CASP6: variants seen among roughly 807,000 people sequenced by gnomAD.
CASP6 encodes caspase 6.
A neutral mutation model predicts 31.8 loss-of-function variants in CASP6; 20 were observed. The observed-to-expected ratio is 0.63, with a 90% CI of 0.44 to 0.91. CASP6 has a LOEUF of 0.91. Among genes scored for constraint, CASP6 ranks in the 40% least tolerant of loss-of-function variants. The pLI is 0.00. For missense variants in CASP6, 328 were observed against 361.1 expected (o/e 0.91, Z 0.74); for synonymous variants, 130 against 127.8 (o/e 1.02, Z -0.12).
chr4:109,705,999 A>AC (rs1491346542), upstream of CASP6, among the ~76,000 whole-genome samples: 1 of 36,014 alleles, frequency 2.8e-5, no homozygotes, highest in Non-Finnish European at 4.6e-5. Flanking sequence ...AAAAAAAAAA[A>AC]AAATATATAT....
chr4:109,696,215 A>T (rs1264810660), intron 4 of CASP6, among the ~76,000 whole-genome samples, 195 bp downstream of exon 4: 2 of 152,218 alleles, frequency 1.3e-5, no homozygotes, highest in African/African-American at 4.8e-5. Flanking sequence ...TAAACTTTAG[A>T]GGCATAATTA....
Position 109,689,226 on chromosome 4 carries a change from C to T in CASP6, c.*104G>A. On this transcript the variant is annotated 3_prime_UTR_variant, in exon 7 of 7. Transcript: ENST00000265164. ...GAACTCCCGACCTCAGGTGATCCGC[C>T]CACCTTGGACTCCCAAAGTGCTGGG... is the stretch of plus-strand genomic sequence containing the variant. 1 of 1,043,162 alleles carries T rather than the reference C, an allele frequency of 9.6e-7. No homozygotes were observed. The highest frequency in any genetic ancestry group is 1.5e-6 in the Non-Finnish European group (1 of 689,298). The allele number at this position is 1,043,162 out of a possible 1,614,324, so 64.6% of individuals were successfully genotyped here. A position where few individuals can be genotyped will look rare whatever the true frequency, so the allele number is the denominator to read the frequency against.
At chr4:109,677,802 ATTTTTT>A in the CASP6 span, among the ~76,000 whole-genome samples, 23 of 86,592 alleles carry the variant, frequency 2.7e-4, no homozygotes, top group East Asian at 1.0e-3. Context: ...AAGGAAACAA[ATTTTTT>A]TTTTTTTTTT....
chr4:109,682,459 A>C, the CASP6 span: 1 of 753,994 alleles, frequency 1.3e-6, no homozygotes, highest in Non-Finnish European at 2.2e-6. Context: ...ATGTTTGTAC[A>C]CCAGCTTCCT....
At chr4:109,706,131 T>TA (rs60918624), upstream of CASP6, among the ~76,000 whole-genome samples, 502 of 36,012 alleles carry the variant, frequency 0.014, 56 homozygotes, top group South Asian at 0.032. Context: ...CCTATCCATT[T>TA]TATATATATA....
chr4:109,703,446 A>C (rs1228863821), upstream of CASP6: 1 of 1,594,284 alleles, frequency 6.3e-7, no homozygotes, highest in Non-Finnish European at 8.5e-7. Flanking sequence ...CTGAAGCCAC[A>C]GGCTCCCGGG....
downstream of CASP6, among the ~76,000 whole-genome samples, chr4:109,687,245 G>A (rs966466054): frequency 1.3e-5 from 2 of 152,056 alleles, no homozygotes; most frequent in African/African-American, 4.8e-5. Context: ...TGTGGTCCTA[G>A]CTACTTGGGA....
intron 1 of CASP6, chr4:109,702,984 C>T (rs1358193153): frequency 3.7e-6 from 1 of 273,730 alleles, no homozygotes; most frequent in African/African-American, 2.2e-5. Flanking sequence ...TTCAAACGGC[C>T]AGGTGTGGGG....
chr4:109,704,544 T>C (rs5030511), upstream of CASP6, among the ~76,000 whole-genome samples: 1,111 of 152,240 alleles, frequency 7.3e-3, 10 homozygotes, highest in African/African-American at 0.026. Flanking sequence ...GGTGAGGGAA[T>C]TGCAAAAGAA....
chr4:109,701,031 TCAC>T (rs1730407161), intron 1 of CASP6, among the ~76,000 whole-genome samples: 1 of 152,176 alleles, frequency 6.6e-6, no homozygotes, highest in Non-Finnish European at 1.5e-5. Context: ...TGGTCTCGGC[TCAC>T]CACAACCTCC....
intron 1 of CASP6, among the ~76,000 whole-genome samples, chr4:109,699,520 TGTAC>T (rs1215833640): frequency 5.3e-5 from 8 of 152,364 alleles, no homozygotes; most frequent in Admixed American, 1.3e-4. Flanking sequence ...ATCCTCTGTC[TGTAC>T]GCCCTAAGTC....
chr4:109,670,711 T>A, the CASP6 span, among the ~76,000 whole-genome samples: 1 of 150,356 alleles, frequency 6.7e-6, no homozygotes, highest in South Asian at 2.1e-4. Flanking sequence ...GCGAGGAGAC[T>A]CTGTCTCCAA....
chr4:109,682,851 T>G, the CASP6 span: 2 of 803,308 alleles, frequency 2.5e-6, no homozygotes, highest in Non-Finnish European at 1.9e-6. Flanking sequence ...ATTTTCTCCT[T>G]TACGCCTCAC....
chr4:109,687,659 A>T (rs528082551), downstream of CASP6: 1 of 918,928 alleles, frequency 1.1e-6, no homozygotes, highest in African/African-American at 1.7e-5. Context: ...GATGTTTTTG[A>T]GTCCCATGGT....
In CASP6 at chr4:109,689,547, G is replaced by A; in HGVS notation, c.665C>T (p.Thr222Ile). 6.2e-7 allele frequency: 1 copy of A among 1,614,104 alleles called. No homozygotes were observed. The highest frequency in any genetic ancestry group is 8.5e-7 in the Non-Finnish European group (1 of 1,180,002). Reference sequence around the variant, plus strand: ...TTGAATGTACCATGAGCCGTTCACAGTTTCCCGGTGAGAATAATATCCTAA... The same window carrying A: ...TTGAATGTACCATGAGCCGTTCACAATTTCCCGGTGAGAATAATATCCTAA... ...VAEGYYSHRETVNGSWYIQDL... is the reference protein window; with the variant it reads ...VAEGYYSHREIVNGSWYIQDL... Residue 222 changes from threonine (T) to isoleucine (I), a missense_variant, in exon 7 of 7, where the codon ACT becomes ATT. Transcript: ENST00000265164.
chr4:109,675,262 A>G, the CASP6 span, among the ~76,000 whole-genome samples: 4 of 152,250 alleles, frequency 2.6e-5, no homozygotes, highest in African/African-American at 9.6e-5. Flanking sequence ...TTGAACTCAG[A>G]TAAACATTTC....
chr4:109,667,394 A>G, the CASP6 span, among the ~76,000 whole-genome samples: 5 of 151,794 alleles, frequency 3.3e-5, no homozygotes, highest in African/African-American at 1.2e-4. Flanking sequence ...GTATTTCTTT[A>G]TTTTCCTTTT....
chr4:109,689,705 T>C (rs934608911), intron 6 of CASP6, 137 bp from the exon 7 acceptor site: 2 of 717,592 alleles, frequency 2.8e-6, no homozygotes, highest in African/African-American at 1.8e-5. Context: ...ATAAATGGCT[T>C]TTAAATTTTT....
At chr4:109,686,061 T>C (rs1354248650), downstream of CASP6, among the ~76,000 whole-genome samples, 26 of 152,248 alleles carry the variant, frequency 1.7e-4, no homozygotes, top group Admixed American at 1.7e-3. Flanking sequence ...CCTTTTGTTA[T>C]GTGTACTTTC....
Sources: allele counts gnomAD v4.1 joint callset (sites outside exome capture counted in the v4.1 genomes callset), GRCh38; gene constraint gnomAD v4.1.1; transcripts MANE v1.5; gene names NCBI Gene and HGNC (gene_info 2026-07-23, HGNC 2026-07-21).